The following STAU2 variants were observed in gnomAD, a reference collection of about 807,000 sequenced individuals.
The protein encoded by STAU2 is double-stranded RNA-binding protein Staufen homolog 2.
A neutral mutation model predicts 65.9 loss-of-function variants in STAU2; 20 were observed. The observed-to-expected ratio is 0.30, with a 90% CI of 0.21 to 0.44. The LOEUF (loss-of-function observed/expected upper bound fraction) is 0.44. Among genes scored for constraint, STAU2 ranks in the 20% least tolerant of loss-of-function variants. STAU2 has a pLI of 1.00. For synonymous variants in STAU2, 232 were observed against 233.9 expected (o/e 0.99, Z 0.07); for missense variants, 558 against 683.9 (o/e 0.82, Z 2.05).
At chr8:73,450,132 T>C (rs1478227271) in intron 13 of STAU2, among the ~76,000 whole-genome samples, 3 of 152,212 alleles carry the variant, frequency 2.0e-5, no homozygotes, top group Non-Finnish European at 4.4e-5. Context: ...TTTTAAAATA[T>C]GTATTAATAA....
intron 12 of STAU2, among the ~76,000 whole-genome samples, chr8:73,560,088 T>A (rs1808098739): frequency 1.4e-5 from 2 of 144,860 alleles, no homozygotes; most frequent in Admixed American, 1.4e-4. Flanking sequence ...TTTTTTTTTT[T>A]TTTTTTTTTT....
At chr8:73,586,110 C>A (rs977357621) in intron 11 of STAU2, among the ~76,000 whole-genome samples, 1 of 152,142 alleles carries the variant, frequency 6.6e-6, no homozygotes, top group Non-Finnish European at 1.5e-5. Flanking sequence ...ATATAGGAGG[C>A]AACAGCAGGA....
chr8:73,616,650 T>G (rs1812849185), intron 7 of STAU2, among the ~76,000 whole-genome samples: 1 of 151,972 alleles, frequency 6.6e-6, no homozygotes, highest in South Asian at 2.1e-4. Flanking sequence ...TACAAAAAAT[T>G]AGCTGGGCGT....
At chr8:73,734,131 GA>G (rs1806256894) in intron 3 of STAU2, among the ~76,000 whole-genome samples, 1 of 148,460 alleles carries the variant, frequency 6.7e-6, no homozygotes. Context: ...TACCTGCATA[GA>G]AAAAAAATCT....
intron 10 of STAU2, among the ~76,000 whole-genome samples, chr8:73,603,285 G>A (rs1811774596): frequency 6.6e-6 from 1 of 152,148 alleles, no homozygotes; most frequent in Admixed American, 6.5e-5. Context: ...CCCCCACCAT[G>A]GTTAGCTAGC....
intron 6 of STAU2, among the ~76,000 whole-genome samples, chr8:73,623,350 G>A (rs985864442): frequency 1.3e-5 from 2 of 152,092 alleles, no homozygotes; most frequent in African/African-American, 2.4e-5. Context: ...TTTACAAGGT[G>A]AGAAAGACAT....
chr8:73,599,766 A>G (rs1189050915), intron 10 of STAU2, among the ~76,000 whole-genome samples: 4 of 150,680 alleles, frequency 2.7e-5, no homozygotes, highest in Admixed American at 6.6e-5. Flanking sequence ...TATTTCCAAC[A>G]GTACTTTTTT....
chr8:73,737,981 G>A (rs1219568132), intron 3 of STAU2, among the ~76,000 whole-genome samples: 1 of 151,378 alleles, frequency 6.6e-6, no homozygotes, highest in South Asian at 2.1e-4. Flanking sequence ...GCCACCTACT[G>A]AAGCTGTATC....
intron 12 of STAU2, among the ~76,000 whole-genome samples, chr8:73,560,630 A>T (rs1047841019): frequency 6.6e-6 from 1 of 152,228 alleles, no homozygotes; most frequent in African/African-American, 2.4e-5. Context: ...ACACAGTACC[A>T]ACGGGAAAAT....
At chr8:73,701,356 G>C (rs1820089243) in intron 4 of STAU2, among the ~76,000 whole-genome samples, 1 of 152,080 alleles carries the variant, frequency 6.6e-6, no homozygotes, top group South Asian at 2.1e-4. Flanking sequence ...GAATGGGAGA[G>C]AAATATGTGC....
chr8:73,579,271 G>A (rs1809814731), intron 12 of STAU2, among the ~76,000 whole-genome samples: 1 of 152,026 alleles, frequency 6.6e-6, no homozygotes, highest in Non-Finnish European at 1.5e-5. Flanking sequence ...ATTTCACAGG[G>A]GCTAAATAAA....
chr8:73,544,761 G>A (rs1371138299), intron 13 of STAU2, among the ~76,000 whole-genome samples: 1 of 152,082 alleles, frequency 6.6e-6, no homozygotes, highest in Non-Finnish European at 1.5e-5. Flanking sequence ...TTATTATGTG[G>A]GGTAGGCATT....
chr8:73,446,539 T>C (rs1404095279), intron 13 of STAU2, among the ~76,000 whole-genome samples: 1 of 152,226 alleles, frequency 6.6e-6, no homozygotes, highest in Admixed American at 6.5e-5. Context: ...CTATTTCTAC[T>C]ACATTCTGTG....
chr8:73,565,900 G>A (rs1242958844), intron 12 of STAU2, among the ~76,000 whole-genome samples: 5 of 152,140 alleles, frequency 3.3e-5, no homozygotes, highest in Non-Finnish European at 7.3e-5. Flanking sequence ...TTCACTTAAA[G>A]TAGTAGTTTC....
intron 13 of STAU2, among the ~76,000 whole-genome samples, chr8:73,497,505 G>C (rs961698528): frequency 2.0e-5 from 3 of 151,586 alleles, no homozygotes; most frequent in Non-Finnish European, 3.0e-5. Context: ...ATTAAAACAG[G>C]TGATATAAAA....
intron 6 of STAU2, among the ~76,000 whole-genome samples, chr8:73,628,026 T>A (rs1277501937): frequency 6.6e-6 from 1 of 152,138 alleles, no homozygotes; most frequent in Non-Finnish European, 1.5e-5. Flanking sequence ...TAGATATATA[T>A]GTTCACACAT....
chr8:73,738,171 A>T, intron 3 of STAU2, 113 bp downstream of exon 3: 1 of 969,808 alleles, frequency 1.0e-6, no homozygotes. Flanking sequence ...TAACTGCTTT[A>T]AAAAGTGATG....
chr8:73,502,171 T>C (rs1426978263), intron 13 of STAU2, among the ~76,000 whole-genome samples: 1 of 151,978 alleles, frequency 6.6e-6, no homozygotes, highest in African/African-American at 2.4e-5. Context: ...AGGATATATG[T>C]TCCCAATTAA....
At position 73,691,858 on chromosome 8, in the gene STAU2, T is replaced by C. The variant is rs546774308; in HGVS notation, c.115-3045A>G. On this transcript the variant is annotated intron_variant, in intron 4 of 14. Transcript: ENST00000524300. ...ACAGAGCTCTTAAATTCCTTGGAAT[T>C]TCCTGGGTGATAGGAAATTTTTATT... Among the ~76,000 whole-genome samples the C allele has an allele frequency of 2.6e-4, 40 of 152,306 alleles. 1 individual carries two copies. The highest frequency in any genetic ancestry group is 5.4e-4 in the Non-Finnish European group (37 of 68,030).
Sources: gnomAD v4.1 joint callset for allele counts (sites outside exome capture counted in the v4.1 genomes callset) on GRCh38, gnomAD v4.1.1 for gene constraint, MANE v1.5 for transcripts, NCBI Gene and HGNC (gene_info 2026-07-23, HGNC 2026-07-21) for gene names.